ADCY2: variants seen among roughly 807,000 people sequenced by gnomAD.
ADCY2 encodes adenylate cyclase type 2.
In ADCY2, 31 loss-of-function variants were observed where a neutral mutation model predicts 125.2. The observed-to-expected ratio is 0.25, with a 90% CI of 0.19 to 0.33. The LOEUF is 0.33. ADCY2 is among the 10% of genes least tolerant of loss of function. The pLI is 1.00. For synonymous variants in ADCY2, 512 were observed against 548.4 expected (o/e 0.93, Z 0.93); for missense variants, 904 against 1,418.2 (o/e 0.64, Z 5.82).
chr5:7,538,345 C>T (rs1187119156), intron 3 of ADCY2, among the ~76,000 whole-genome samples: 3 of 152,104 alleles, frequency 2.0e-5, no homozygotes, highest in Non-Finnish European at 4.4e-5. Context: ...CATCTGTTTA[C>T]TTATCGGTAA....
intron 3 of ADCY2, among the ~76,000 whole-genome samples, chr5:7,583,216 A>G (rs1285838281): frequency 7.9e-5 from 12 of 152,080 alleles, no homozygotes; most frequent in Admixed American, 7.9e-4. Flanking sequence ...AGAACAGTAT[A>G]CTTTACTCAT....
At chr5:7,620,412 C>T (rs1737917225) in intron 3 of ADCY2, among the ~76,000 whole-genome samples, 1 of 152,132 alleles carries the variant, frequency 6.6e-6, no homozygotes, top group African/African-American at 2.4e-5. Flanking sequence ...TGTCTCACTC[C>T]ACTCCTCCTC....
chr5:7,694,183 AG>A (rs1740813205), intron 5 of ADCY2, among the ~76,000 whole-genome samples: 1 of 152,216 alleles, frequency 6.6e-6, no homozygotes, highest in Non-Finnish European at 1.5e-5. Context: ...GCTTAGCAGA[AG>A]GAGCAGAGTA....
intron 10 of ADCY2, among the ~76,000 whole-genome samples, chr5:7,711,731 T>G (rs146264540): frequency 6.6e-6 from 1 of 152,312 alleles, no homozygotes; most frequent in Non-Finnish European, 1.5e-5. Flanking sequence ...GAAATTTGTT[T>G]ATAAAAATCA....
At chr5:7,515,623 G>T (rs1744227745) in intron 2 of ADCY2, among the ~76,000 whole-genome samples, 1 of 152,218 alleles carries the variant, frequency 6.6e-6, no homozygotes, top group South Asian at 2.1e-4. Flanking sequence ...AGTCCAGTTG[G>T]AACAAGGAGG....
At chr5:7,466,712 T>C (rs945499596) in intron 2 of ADCY2, among the ~76,000 whole-genome samples, 3 of 152,126 alleles carry the variant, frequency 2.0e-5, no homozygotes, top group African/African-American at 7.2e-5. Context: ...ATTTTCAAGG[T>C]AAAAATGTAA....
intron 2 of ADCY2, among the ~76,000 whole-genome samples, chr5:7,481,606 A>G (rs556256655): frequency 2.0e-5 from 3 of 152,264 alleles, no homozygotes; most frequent in East Asian, 3.9e-4. Context: ...AGCCATTTGT[A>G]CATCTTCTTT....
intron 4 of ADCY2, among the ~76,000 whole-genome samples, chr5:7,674,856 A>G (rs1267462498): frequency 6.6e-6 from 1 of 152,138 alleles, no homozygotes; most frequent in African/African-American, 2.4e-5. Context: ...GTTGCATTTT[A>G]GAAATTTGGT....
At chr5:7,720,215 A>C (rs1741715208) in intron 12 of ADCY2, among the ~76,000 whole-genome samples, 1 of 151,910 alleles carries the variant, frequency 6.6e-6, no homozygotes, top group African/African-American at 2.4e-5. Flanking sequence ...TGTAGTTCCA[A>C]TCCCCCCAAG....
chr5:7,436,652 T>C (rs188972680), intron 2 of ADCY2, among the ~76,000 whole-genome samples: 1 of 152,354 alleles, frequency 6.6e-6, no homozygotes, highest in African/African-American at 2.4e-5. Context: ...GACAGTGACA[T>C]TTGCTCATCA....
chr5:7,669,229 T>C (rs567736820), intron 4 of ADCY2, among the ~76,000 whole-genome samples: 4 of 152,272 alleles, frequency 2.6e-5, no homozygotes, highest in South Asian at 4.2e-4. Context: ...GCAGAAGGAA[T>C]ATCTCTTCCC....
At chr5:7,522,419 A>C (rs967140467) in intron 3 of ADCY2, 1 of 152,134 alleles carries the variant, frequency 6.6e-6, no homozygotes, top group African/African-American at 2.4e-5. Context: ...AAGTGCAAGA[A>C]ACACTCCTGT....
chr5:7,397,518 T>G (rs1021269564), intron 1 of ADCY2, among the ~76,000 whole-genome samples: 1 of 151,156 alleles, frequency 6.6e-6, no homozygotes, highest in African/African-American at 2.4e-5. Context: ...TGATGTATTT[T>G]GAGCTTAGAA....
chr5:7,647,620 G>A (rs17232955), intron 4 of ADCY2, among the ~76,000 whole-genome samples: 31,856 of 152,108 alleles, frequency 0.21, 4,426 homozygotes, highest in Non-Finnish European at 0.31. Flanking sequence ...TTCAATGCTC[G>A]TTGACACATC....
intron 3 of ADCY2, among the ~76,000 whole-genome samples, chr5:7,559,232 T>C (rs1735631138): frequency 1.3e-5 from 2 of 152,166 alleles, no homozygotes; most frequent in African/African-American, 4.8e-5. Flanking sequence ...GTAGTTTAAC[T>C]GGAATAGCAA....
intron 12 of ADCY2, among the ~76,000 whole-genome samples, chr5:7,724,011 A>G (rs1009978381): frequency 6.7e-6 from 1 of 149,412 alleles, no homozygotes; most frequent in Non-Finnish European, 1.5e-5. Context: ...TGACAATGAA[A>G]GTATTTTCAC....
chr5:7,695,701 A>C, intron 5 of ADCY2, 51 bp from the exon 6 acceptor site: 1 of 1,145,724 alleles, frequency 8.7e-7, no homozygotes, highest in Non-Finnish European at 1.2e-6. Flanking sequence ...ACTTTCTTAA[A>C]AAATGTATAA....
intron 18 of ADCY2, among the ~76,000 whole-genome samples, chr5:7,776,507 C>G (rs2126487297): frequency 6.6e-6 from 1 of 152,304 alleles, no homozygotes; most frequent in Non-Finnish European, 1.5e-5. Flanking sequence ...ACCCAGGCCC[C>G]TAGACCTGCT....
chr5:7,441,760 T>C lies in ADCY2; in HGVS notation c.408+26990T>C, dbSNP rs929489375. ...GGAATTTTGTAGATATGGTGGCACATCTCTAATCAATTGACTTCAAAGAGG... is the reference window on the plus strand; with the variant it reads ...GGAATTTTGTAGATATGGTGGCACACCTCTAATCAATTGACTTCAAAGAGG... On this transcript the variant is annotated intron_variant, in intron 2 of 24. Coordinates refer to ENST00000338316, the MANE Select transcript of ADCY2 (RefSeq NM_020546.3). Among the ~76,000 whole-genome samples, 13 of 152,170 alleles carry C rather than the reference T, an allele frequency of 8.5e-5. No homozygotes were observed. In the East Asian group the frequency reaches 9.6e-4, roughly 11 times the overall value.
Sources: gnomAD v4.1 joint callset for allele counts (sites outside exome capture counted in the v4.1 genomes callset) on GRCh38, gnomAD v4.1.1 for gene constraint, MANE v1.5 for transcripts, NCBI Gene and HGNC (gene_info 2026-07-23, HGNC 2026-07-21) for gene names.